Variants in PDXDC1 observed in about 807,000 individuals in gnomAD.
The protein encoded by PDXDC1 is pyridoxal-dependent decarboxylase domain-containing protein 1.
A neutral mutation model predicts 100.1 loss-of-function variants in PDXDC1; 42 were observed. That is an observed-to-expected ratio of 0.42 (90% CI 0.33 to 0.54). The LOEUF is 0.54. Among genes scored for constraint, PDXDC1 ranks in the 20% least tolerant of loss-of-function variants. The pLI is 0.10. For synonymous variants in PDXDC1, 260 were observed against 371.7 expected (o/e 0.70, Z 3.46); for missense variants, 636 against 979.2 (o/e 0.65, Z 4.68).
At chr16:15,144,186 T>C (rs1276714259), downstream of PDXDC1, among the ~76,000 whole-genome samples, 3 of 151,814 alleles carry the variant, frequency 2.0e-5, no homozygotes, top group Non-Finnish European at 4.4e-5. Context: ...TGGGGTGCAG[T>C]GTGGGCGCTG....
At chr16:15,035,623 C>G in intron 22 of PDXDC1, 70 bp downstream of exon 22, 1 of 886,264 alleles carries the variant, frequency 1.1e-6, no homozygotes, top group South Asian at 1.7e-5. Context: ...CGTTTGTTTT[C>G]TGGGTTCTTG....
chr16:15,055,944 C>A, intron 16 of PDXDC1: 1 of 1,231,122 alleles, frequency 8.1e-7, no homozygotes, highest in Non-Finnish European at 1.0e-6. Context: ...GGCAGCCGCA[C>A]TCGCCGCCCC....
chr16:15,129,510 T>A (rs951583210), intron 16 of PDXDC1, among the ~76,000 whole-genome samples: 1 of 152,174 alleles, frequency 6.6e-6, no homozygotes, highest in Admixed American at 6.5e-5. Flanking sequence ...ATAGAGGTAT[T>A]GAAGAAACAG....
the PDXDC1 span, among the ~76,000 whole-genome samples, chr16:15,146,115 T>C: frequency 1.3e-5 from 2 of 152,124 alleles, no homozygotes; most frequent in Admixed American, 6.5e-5. Flanking sequence ...GCCCGGCCAC[T>C]GTCACGAGAT....
At chr16:14,983,572 CAAAAAAAAAAAAAA>C (rs56258905) in intron 1 of PDXDC1, among the ~76,000 whole-genome samples, 19 of 88,406 alleles carry the variant, frequency 2.1e-4, no homozygotes, top group African/African-American at 6.8e-4. Flanking sequence ...GACTCCGTCT[CAAAAAAAAAAAAAA>C]AAAAAAAAAA....
chr16:15,024,731 C>G (rs532927444), intron 13 of PDXDC1, among the ~76,000 whole-genome samples: 1 of 152,406 alleles, frequency 6.6e-6, no homozygotes, highest in South Asian at 2.1e-4. Flanking sequence ...CAATTCTTCT[C>G]ATGACTGGTT....
intron 16 of PDXDC1, chr16:15,127,478 G>A (rs1304185122): frequency 1.4e-5 from 22 of 1,567,036 alleles, no homozygotes; most frequent in South Asian, 3.4e-5. Context: ...ACCTTGCTCC[G>A]GGACATCCAG....
intron 16 of PDXDC1, among the ~76,000 whole-genome samples, chr16:15,057,348 A>C (rs1360562060): frequency 6.6e-6 from 1 of 152,224 alleles, no homozygotes; most frequent in Non-Finnish European, 1.5e-5. Flanking sequence ...CAAATGTAGG[A>C]GCTACTATCA....
chr16:15,130,639 G>A (rs1183193753), intron 16 of PDXDC1: 21 of 1,351,972 alleles, frequency 1.6e-5, no homozygotes, highest in Admixed American at 1.2e-4. Context: ...GCTCACCCCG[G>A]GGAAATGAAG....
chr16:15,009,629 T>C (rs1309422522), intron 7 of PDXDC1, 52 bp from the exon 8 acceptor site: 2 of 1,594,088 alleles, frequency 1.3e-6, no homozygotes, highest in Non-Finnish European at 1.7e-6. Context: ...TTTTTCATTT[T>C]ATAGCTTTTA....
intron 17 of PDXDC1, 139 bp from the exon 18 acceptor site, chr16:15,032,722 G>T: frequency 1.6e-6 from 1 of 615,098 alleles, no homozygotes; most frequent in Non-Finnish European, 2.9e-6. Context: ...AAAGTTTGTG[G>T]TCTGGAGACA....
intron 16 of PDXDC1, among the ~76,000 whole-genome samples, chr16:15,126,242 G>A (rs1213251367): frequency 6.8e-6 from 1 of 147,448 alleles, no homozygotes; most frequent in Non-Finnish European, 1.5e-5. Context: ...CACTGTGTTG[G>A]CCAGGCTGGT....
At chr16:15,069,132 G>A (rs1427013129) in intron 16 of PDXDC1, among the ~76,000 whole-genome samples, 1 of 152,198 alleles carries the variant, frequency 6.6e-6, no homozygotes, top group Non-Finnish European at 1.5e-5. Flanking sequence ...ACAACTTTCA[G>A]TTTAGAGCTG....
At chr16:15,024,477 G>C (rs2042435771) in intron 13 of PDXDC1, among the ~76,000 whole-genome samples, 1 of 150,920 alleles carries the variant, frequency 6.6e-6, no homozygotes, top group South Asian at 2.1e-4. Flanking sequence ...TGCGATCTTG[G>C]CTCACTCTAA....
intron 8 of PDXDC1, among the ~76,000 whole-genome samples, chr16:15,010,583 G>C (rs1399573676): frequency 3.3e-5 from 5 of 152,274 alleles, no homozygotes; most frequent in African/African-American, 1.2e-4. Flanking sequence ...TACCTTATAG[G>C]CGGCAGAGCA....
At position 15,006,511 on chromosome 16, in the gene PDXDC1, A is replaced by G. The variant is rs1300888231; in HGVS notation, c.507A>G (p.Leu169=). ...EDFVVDGFNV[L]YNKKPVIYLS... is the part of the protein sequence containing the mutation. ...TCGTAGTGGATGGCTTCAATGTGTTATATAACAAGAAGCCTGTCATATATC... is the reference window on the plus strand; with the variant it reads ...TCGTAGTGGATGGCTTCAATGTGTTGTATAACAAGAAGCCTGTCATATATC... Residue 169 remains leucine, a synonymous_variant, in exon 6 of 23, where the codon TTA becomes TTG. Transcript: ENST00000396410. 3 of 1,608,582 alleles carry G rather than the reference A, an allele frequency of 1.9e-6. No individual in the cohort carries two copies. Among genetic ancestry groups the G allele is most frequent in the Non-Finnish European group, 2.6e-6 (3 of 1,175,790 alleles).
chr16:15,031,325 C>T (rs913214664), intron 16 of PDXDC1, among the ~76,000 whole-genome samples: 1 of 152,098 alleles, frequency 6.6e-6, no homozygotes, highest in African/African-American at 2.4e-5. Flanking sequence ...TCACCATCTC[C>T]CTGTCCTTCC....
chr16:15,075,504 G>A (rs1182038497), intron 16 of PDXDC1, among the ~76,000 whole-genome samples: 3 of 151,334 alleles, frequency 2.0e-5, no homozygotes, highest in Non-Finnish European at 4.4e-5. Flanking sequence ...CCAGGAGGTC[G>A]AGGCTGGAGT....
At chr16:15,109,201 A>C (rs1429711382) in intron 16 of PDXDC1, 1 of 149,200 alleles carries the variant, frequency 6.7e-6, no homozygotes, top group Non-Finnish European at 1.5e-5. Context: ...TATGACCAAA[A>C]CATGAAAGAC....
Sources: allele counts gnomAD v4.1 joint callset (sites outside exome capture counted in the v4.1 genomes callset), GRCh38; gene constraint gnomAD v4.1.1; transcripts MANE v1.5; gene names NCBI Gene and HGNC (gene_info 2026-07-23, HGNC 2026-07-21).